Variants in FBXW4 observed in about 807,000 individuals in gnomAD.
FBXW4 encodes F-box/WD repeat-containing protein 4.
In FBXW4, 40 loss-of-function variants were observed where a neutral mutation model predicts 61.8. The observed-to-expected ratio is 0.65, with a 90% CI of 0.50 to 0.84. The LOEUF is 0.84. FBXW4 is among the 40% of genes least tolerant of loss of function. The pLI is 0.00. For missense variants in FBXW4, 672 were observed against 753.8 expected (o/e 0.89, Z 1.27); for synonymous variants, 311 against 313.8 (o/e 0.99, Z 0.10).
chr10:101,614,004 C>G (rs1464380435), intron 6 of FBXW4, among the ~76,000 whole-genome samples: 1 of 152,250 alleles, frequency 6.6e-6, no homozygotes, highest in East Asian at 1.9e-4. Context: ...AGACTGCTAA[C>G]CTTGGCTCCC....
chr10:101,676,375 A>G lies in FBXW4; in HGVS notation c.787T>C (p.Cys263Arg). 6.2e-7 allele frequency: 1 copy of G among 1,613,788 alleles called. No individual in the cohort carries two copies. The highest frequency in any genetic ancestry group is 8.5e-7 in the Non-Finnish European group (1 of 1,179,914). Residue 263 changes from cysteine (C) to arginine (R), a missense_variant, in exon 2 of 9, where the codon TGC becomes CGC. Physicochemically the swap from Cys to Arg is radical, Grantham distance 180. Coordinates refer to ENST00000331272, the MANE Select transcript of FBXW4 (RefSeq NM_022039.4). ...KVSQNWRLGR[C>R]REGILLKWRC... Reference sequence around the variant, plus strand: ...CACTTCAGCAGAATCCCCTCTCGGCAGCGCCCCAGTCTCCAGTTCTGAGAC... The same window carrying G: ...CACTTCAGCAGAATCCCCTCTCGGCGGCGCCCCAGTCTCCAGTTCTGAGAC...
intron 1 of FBXW4, among the ~76,000 whole-genome samples, chr10:101,691,523 C>T (rs2064602777): frequency 6.6e-6 from 1 of 152,188 alleles, no homozygotes; most frequent in Non-Finnish European, 1.5e-5. Context: ...AAAGCCATAT[C>T]ATTTGGCAAT....
chr10:101,615,192 G>T lies in FBXW4; in HGVS notation c.1302-2715C>A, dbSNP rs567596934. ...CGGCCTCTCACTGTGGGGGGCGAGA[G>T]GGGGGTGCAGAGCCTTGGCTGTTGC... is the stretch of plus-strand genomic sequence containing the variant. On this transcript the variant is annotated intron_variant, in intron 6 of 8. Transcript: ENST00000331272. 2.6e-4 allele frequency among the ~76,000 whole-genome samples: 40 copies of T among 152,276 alleles called. No individual in the cohort carries two copies. In the South Asian group the frequency reaches 7.3e-3, roughly 28 times the overall value.
intron 5 of FBXW4, among the ~76,000 whole-genome samples, chr10:101,658,042 A>AACTC (rs1361894034): frequency 2.6e-5 from 4 of 152,188 alleles, no homozygotes; most frequent in Non-Finnish European, 5.9e-5. Context: ...GTAATGATGA[A>AACTC]ACTCACTAAG....
intron 1 of FBXW4, among the ~76,000 whole-genome samples, chr10:101,679,345 G>A (rs10786646): frequency 0.69 from 104,753 of 152,178 alleles, 36,233 homozygotes; most frequent in East Asian, 0.86. Flanking sequence ...AATGCCTTAC[G>A]CATATCAGTA....
chr10:101,680,182 C>T (rs1406938645), intron 1 of FBXW4, among the ~76,000 whole-genome samples: 1 of 152,158 alleles, frequency 6.6e-6, no homozygotes. Context: ...ATTGCCATCT[C>T]ATACCACAAT....
intron 1 of FBXW4, among the ~76,000 whole-genome samples, chr10:101,682,160 CA>C (rs1230311462): frequency 6.6e-6 from 1 of 152,178 alleles, no homozygotes; most frequent in Non-Finnish European, 1.5e-5. Context: ...CTCTAATAAT[CA>C]TTCGTTTTTC....
intron 5 of FBXW4, among the ~76,000 whole-genome samples, chr10:101,660,505 T>C (rs1448926070): frequency 6.6e-6 from 1 of 152,000 alleles, no homozygotes; most frequent in Non-Finnish European, 1.5e-5. Flanking sequence ...CCCTTCACCC[T>C]CCCGCCTCCC....
intron 5 of FBXW4, among the ~76,000 whole-genome samples, chr10:101,632,245 C>T (rs190898578): frequency 6.6e-6 from 1 of 152,166 alleles, no homozygotes; most frequent in African/African-American, 2.4e-5. Context: ...CCTCTCTCAA[C>T]CCAAGTGCAT....
intron 5 of FBXW4, among the ~76,000 whole-genome samples, chr10:101,653,607 T>G (rs1245322184): frequency 6.6e-6 from 1 of 152,232 alleles, no homozygotes; most frequent in Non-Finnish European, 1.5e-5. Flanking sequence ...GAAGCTCTTC[T>G]GACTTAATAA....
rs1283585448 is a variant in FBXW4 at position 101,613,877 on chromosome 10, T to C, written c.1302-1400A>G. On this transcript the variant is annotated intron_variant, in intron 6 of 8. Coordinates refer to ENST00000331272, the MANE Select transcript of FBXW4 (RefSeq NM_022039.4). ...CAGCCTCCTCAGGGAAGTTCTGGTC[T>C]TCCTCTCAGTAGCCCAGAGCTGGGC... Among the ~76,000 whole-genome samples the C allele has an allele frequency of 2.0e-5, 3 of 152,242 alleles. No individual in the cohort carries two copies. The South Asian group carries it at 6.2e-4, about 31-fold the overall frequency.
intron 5 of FBXW4, among the ~76,000 whole-genome samples, chr10:101,666,924 T>A (rs4081695): frequency 1.3e-5 from 2 of 151,662 alleles, no homozygotes; most frequent in Non-Finnish European, 1.5e-5. Context: ...AAAAAAAGAA[T>A]GAAAAAAAAA....
At chr10:101,622,644 C>T (rs2063875951) in intron 6 of FBXW4, among the ~76,000 whole-genome samples, 1 of 143,024 alleles carries the variant, frequency 7.0e-6, no homozygotes, top group Non-Finnish European at 1.5e-5. Flanking sequence ...AGGAGAATGG[C>T]GTGAACTCAG....
intron 6 of FBXW4, among the ~76,000 whole-genome samples, chr10:101,619,727 G>C (rs2063853725): frequency 6.6e-6 from 1 of 152,066 alleles, no homozygotes; most frequent in Admixed American, 6.5e-5. Context: ...GGCAACGGCT[G>C]TGTGCCTGTG....
At chr10:101,687,462 G>A (rs575878735) in intron 1 of FBXW4, among the ~76,000 whole-genome samples, 3 of 152,138 alleles carry the variant, frequency 2.0e-5, no homozygotes, top group South Asian at 2.1e-4. Context: ...ACTTGCTTCC[G>A]GCCCATCTGT....
At chr10:101,687,738 AG>A (rs1324265677) in intron 1 of FBXW4, among the ~76,000 whole-genome samples, 4 of 152,238 alleles carry the variant, frequency 2.6e-5, no homozygotes, top group African/African-American at 7.2e-5. Context: ...ACAAAAGTCT[AG>A]GAACAAATTC....
rs1032014243 is a variant in FBXW4, at chr10:101,694,587, C to G, written c.519G>C (p.Ser173=). 1.4e-6 allele frequency: 2 copies of G among 1,458,414 alleles called. No homozygotes were observed. The highest frequency in any genetic ancestry group is 1.8e-6 in the Non-Finnish European group (2 of 1,115,152). 90.3% of individuals were successfully genotyped at this position (1,458,414 alleles called of 1,614,324 possible). A position where few individuals can be genotyped will look rare whatever the true frequency, so the allele number is the denominator to read the frequency against. The change falls in exon 1 of 9, where the codon TCG becomes TCC. Residue 173 remains serine, a synonymous_variant. Coordinates refer to ENST00000331272, the MANE Select transcript of FBXW4 (RefSeq NM_022039.4). The surrounding 1 kb of genome is among the most constrained non-coding windows in gnomAD (Gnocchi z 6.0). Reference sequence around the variant, plus strand: ...CAGGCCCCGCGGCCGGGCGGGCAGCCGACTCCCGAGCCGCCTCCTCCTCCT... The same window carrying G: ...CAGGCCCCGCGGCCGGGCGGGCAGCGGACTCCCGAGCCGCCTCCTCCTCCT... ...EEEEEEAARE[S]AARPAAGPAL... is the part of the protein sequence containing the mutation.
intron 5 of FBXW4, among the ~76,000 whole-genome samples, chr10:101,631,620 CA>C (rs1399357994): frequency 6.7e-6 from 1 of 148,942 alleles, no homozygotes; most frequent in Non-Finnish European, 1.5e-5. Context: ...GGGAAAAACA[CA>C]TTATTTACTT....
At chr10:101,640,802 C>T (rs992382487) in intron 5 of FBXW4, among the ~76,000 whole-genome samples, 12 of 151,254 alleles carry the variant, frequency 7.9e-5, no homozygotes, top group Non-Finnish European at 1.3e-4. Flanking sequence ...AGGTATGAGC[C>T]ACCCTGCCCA....
Sources: allele counts gnomAD v4.1 joint callset (sites outside exome capture counted in the v4.1 genomes callset), GRCh38; gene constraint gnomAD v4.1.1; non-coding constraint Gnocchi (gnomAD v3.1); transcripts MANE v1.5; gene names NCBI Gene and HGNC (gene_info 2026-07-23, HGNC 2026-07-21).